Variants in LRRC32 observed in about 807,000 individuals in gnomAD.
The protein encoded by LRRC32 is leucine rich repeat containing 32, also known as transforming growth factor beta activator LRRC32.
A neutral mutation model predicts 15.0 loss-of-function variants in LRRC32; 5 were observed. That is an observed-to-expected ratio of 0.33 (90% CI 0.17 to 0.70). The LOEUF is 0.70. Ranked by LOEUF, LRRC32 falls within the 30% of genes least tolerant of loss-of-function variation. The pLI, the probability that LRRC32 is intolerant of heterozygous loss-of-function variation, is 0.66. For synonymous variants in LRRC32, 391 were observed against 403.9 expected, an observed-to-expected ratio of 0.97 and a Z score of 0.38; for missense variants, 803 against 854.2, an observed-to-expected ratio of 0.94 and a Z score of 0.75.
At chr11:76,668,119 G>T (rs1332240504) in intron 1 of LRRC32, among the ~76,000 whole-genome samples, 1 of 151,970 alleles carries the variant, frequency 6.6e-6, no homozygotes, top group South Asian at 2.1e-4. Context: ...CAACAGGTCA[G>T]CAGCGGACAG....
chr11:76,669,805 C>G (rs1359498509), intron 1 of LRRC32: 1 of 152,326 alleles, frequency 6.6e-6, no homozygotes. Flanking sequence ...CGATCAGAAT[C>G]CAGTTCATCT....
At chr11:76,665,161 A>G (rs1952604448) in intron 2 of LRRC32, among the ~76,000 whole-genome samples, 2 of 152,220 alleles carry the variant, frequency 1.3e-5, no homozygotes, top group Non-Finnish European at 2.9e-5. Flanking sequence ...GGGACAGGAA[A>G]AAGGAATAGA....
chr11:76,667,358 T>C (rs1952642120), intron 1 of LRRC32, among the ~76,000 whole-genome samples: 1 of 152,130 alleles, frequency 6.6e-6, no homozygotes, highest in African/African-American at 2.4e-5. Context: ...CCTCCCACAG[T>C]GGGTGCTCCC....
At chr11:76,670,133 G>A (rs548257408) in intron 1 of LRRC32, 1 of 152,556 alleles carries the variant, frequency 6.6e-6, no homozygotes, top group African/African-American at 2.4e-5. Context: ...GCGTGGGGGT[G>A]GGGGCCCCTC....
rs1339287498 is a variant in LRRC32 at position 76,661,091 on chromosome 11, T to C, written c.502A>G (p.Thr168Ala). 5 of 1,613,978 alleles carry C rather than the reference T, an allele frequency of 3.1e-6. No homozygotes were observed. In the South Asian group the frequency reaches 4.4e-5, roughly 14 times the overall value. Residue 168 changes from threonine (T) to alanine (A), a missense_variant, in exon 3 of 3, where the codon ACC (threonine) becomes GCC (alanine). Thr to Ala is a moderately conservative substitution (Grantham distance 58). Transcript: ENST00000260061. ...ENSLTRLTRH[T>A]FRDMPALEQL... ...TCCAGCGCAGGCATGTCCCGGAAGG[T>C]GTGGCGGGTGAGGCGAGTCAGACTG...
chr11:76,667,293 C>T (rs1183757560), intron 1 of LRRC32, among the ~76,000 whole-genome samples: 2 of 152,332 alleles, frequency 1.3e-5, no homozygotes, highest in East Asian at 1.9e-4. Context: ...AACAAGCCAC[C>T]GGCCCAGGTG....
rs1952488786 is a variant in LRRC32, at chr11:76,660,156, C to T, written c.1437G>A (p.Leu479=). The T allele has an allele frequency of 2.5e-6, 4 of 1,603,948 alleles. No homozygotes were observed. ...CTCCCAAGGCCCCCGTGGCCACCTC[C>T]AGCCCAGGATTGGAAGAAAGGTCCA... ...TELDLSSNPG[L]EVATGALGGL... Residue 479 remains leucine, a synonymous_variant, in exon 3 of 3, where the codon CTG becomes CTA. Transcript: ENST00000260061.
chr11:76,665,182 ACTTGGTC>A (rs1952604714), intron 2 of LRRC32, among the ~76,000 whole-genome samples: 1 of 152,194 alleles, frequency 6.6e-6, no homozygotes, highest in Admixed American at 6.5e-5. Flanking sequence ...AGCAAATCAA[ACTTGGTC>A]CTTGCCCTAG....
At chr11:76,662,126 G>A (rs906773621) in intron 2 of LRRC32, among the ~76,000 whole-genome samples, 1 of 152,178 alleles carries the variant, frequency 6.6e-6, no homozygotes, top group Non-Finnish European at 1.5e-5. Context: ...TGCCTTCCTT[G>A]TGGATGCTTC....
At chr11:76,663,268 T>C (rs1952568733) in intron 2 of LRRC32, 1 of 152,122 alleles carries the variant, frequency 6.6e-6, no homozygotes, top group African/African-American at 2.4e-5. Flanking sequence ...GGAAAGAAAA[T>C]GCATAATTGA....
intron 1 of LRRC32, among the ~76,000 whole-genome samples, chr11:76,667,963 G>A (rs930960920): frequency 6.6e-6 from 1 of 152,234 alleles, no homozygotes; most frequent in Admixed American, 6.5e-5. Flanking sequence ...CCCAAGTCTG[G>A]ACTATGTCCT....
chr11:76,660,152 C>A lies in LRRC32; in HGVS notation c.1441G>T (p.Val481Leu), dbSNP rs1952488727. The A allele has an allele frequency of 1.9e-6, 3 of 1,604,204 alleles. No individual in the cohort carries two copies. The African/African-American group carries it at 4.0e-5, about 22-fold the overall frequency. The change falls in exon 3 of 3, where the codon GTG (valine) becomes TTG (leucine). Residue 481 changes from valine (V) to leucine (L), a missense_variant. Physicochemically the swap from Val to Leu is conservative, Grantham distance 32 (BLOSUM62 1). Transcript: ENST00000260061. ...LDLSSNPGLE[V>L]ATGALGGLEA... ...AGGCCTCCCAAGGCCCCCGTGGCCA[C>A]CTCCAGCCCAGGATTGGAAGAAAGG...
At chr11:76,661,648 C>T (rs550989761) in intron 2 of LRRC32, 140 bp from the exon 3 acceptor site, 39 of 1,391,526 alleles carry the variant, frequency 2.8e-5, no homozygotes, top group South Asian at 4.5e-5. Context: ...TTTCCCCCAC[C>T]GCAGCCTGAT....
rs199914791 is a variant in LRRC32, at chr11:76,660,195, G to C, written c.1398C>G (p.Thr466=). 2 of 1,584,922 alleles carry C rather than the reference G, an allele frequency of 1.3e-6. No individual in the cohort carries two copies. Among genetic ancestry groups the C allele is most frequent in the Non-Finnish European group, 1.7e-6 (2 of 1,166,530 alleles). The change falls in exon 3 of 3, where the codon ACC becomes ACG. Residue 466 remains threonine, a synonymous_variant. Transcript: ENST00000260061. ...AAGAAAGGTCCAGCTCAGTCAGTGG[G>C]GTGTGGAGGAAGGCCCCTGCCCTGA... The part of the protein sequence containing the change: ...ELLRAGAFLH[T]PLTELDLSSN...
At position 76,659,572 on chromosome 11, in the gene LRRC32, C is replaced by T; in HGVS notation, c.*32G>A. On this transcript the variant is annotated 3_prime_UTR_variant, in exon 3 of 3. Coordinates refer to ENST00000260061, the MANE Select transcript of LRRC32 (RefSeq NM_001128922.2). Reference sequence around the variant, plus strand: ...CTCACTCTTCTCTGTACCTCAGGCTCCCCCACTGACCTAGAGTGTCTCCCG... The same window carrying T: ...CTCACTCTTCTCTGTACCTCAGGCTTCCCCACTGACCTAGAGTGTCTCCCG... 1 of 1,598,316 alleles carries T rather than the reference C, an allele frequency of 6.3e-7. No individual in the cohort carries two copies. The highest frequency in any genetic ancestry group is 1.3e-5 in the African/African-American group (1 of 74,848).
rs1177823075 is a variant in LRRC32, at chr11:76,658,101, A to G, written c.*1503T>C. 6.6e-6 allele frequency: 1 copy of G among 152,334 alleles called. No individual in the cohort carries two copies. Among genetic ancestry groups the G allele is most frequent in the Non-Finnish European group, 1.5e-5 (1 of 68,034 alleles). The allele number at this position is 152,334 out of a possible 1,614,324, so 9.4% of individuals were successfully genotyped here. A position where few individuals can be genotyped will look rare whatever the true frequency, so the allele number is the denominator to read the frequency against. On this transcript the variant is annotated 3_prime_UTR_variant, in exon 3 of 3. Coordinates refer to ENST00000260061, the MANE Select transcript of LRRC32 (RefSeq NM_001128922.2). ...CACAGAAAGGAAGTTTGGAGCCAGC[A>G]TTATCTTGTGATGTGATAGCTGAGA...
rs375223802 is a variant in LRRC32, at chr11:76,665,969, C to T, written c.-4-11G>A. 2.9e-5 allele frequency: 46 copies of T among 1,613,154 alleles called. No individual in the cohort carries two copies. The Admixed American group carries it at 3.3e-4, about 12-fold the overall frequency. On this transcript the variant is annotated splice_polypyrimidine_tract_variant and intron_variant, in intron 1 of 2. Transcript: ENST00000260061. ...TGGGGTCTCATGGCTCTGTGTAAGG[C>T]GGAGAGGAAAGGGGAACACTGTAAG...
chr11:76,670,288 G>T (rs1024965080), intron 1 of LRRC32, among the ~76,000 whole-genome samples: 2 of 152,216 alleles, frequency 1.3e-5, no homozygotes, highest in African/African-American at 4.8e-5. Flanking sequence ...AGCGTTGCAG[G>T]AAACCTGAAT....
chr11:76,659,649 G>A lies in LRRC32; in HGVS notation c.1944C>T (p.Cys648=), dbSNP rs1486145425. The A allele has an allele frequency of 1.2e-6, 2 of 1,614,128 alleles. No homozygotes were observed. Among genetic ancestry groups the A allele is most frequent in the East Asian group, 4.5e-5 (2 of 44,902 alleles). The change falls in exon 3 of 3, where the codon TGC becomes TGT. Residue 648 remains cysteine, a synonymous_variant. Transcript: ENST00000260061. ...TAAACTTCTGCCGGCGGACGCAGCA[G>A]CAGGCGGCCAGCGTGGTGAGGAGGA... ...SAILLTTLAA[C]CCVRRQKFNQ... is the part of the protein sequence containing the mutation.
Sources: gnomAD v4.1 joint callset for allele counts (sites outside exome capture counted in the v4.1 genomes callset) on GRCh38, gnomAD v4.1.1 for gene constraint, MANE v1.5 for transcripts, NCBI Gene and HGNC (gene_info 2026-07-23, HGNC 2026-07-21) for gene names.